The following LYG1 variants were observed in gnomAD, a reference collection of about 807,000 sequenced individuals.
The protein encoded by LYG1 is lysozyme g-like protein 1.
A neutral mutation model predicts 21.7 loss-of-function variants in LYG1; 17 were observed. That is an observed-to-expected ratio of 0.78 (90% confidence interval 0.54 to 1.18). The LOEUF is 1.18. LYG1 is among the 50% of genes most tolerant of loss of function. The pLI, the probability that LYG1 is intolerant of heterozygous loss-of-function variation, is 0.00. For synonymous variants in LYG1, 81 were observed against 87.4 expected, an observed-to-expected ratio of 0.93 and a Z score of 0.41; for missense variants, 211 against 238.1, an observed-to-expected ratio of 0.89 and a Z score of 0.75.
At position 99,301,142 on chromosome 2, in the gene LYG1, T is replaced by C. The variant is rs2094152611; in HGVS notation, c.-216A>G. 1 of 151,360 alleles carries C rather than the reference T, an allele frequency of 6.6e-6. No individual in the cohort carries two copies. Among genetic ancestry groups the C allele is most frequent in the South Asian group, 2.1e-4 (1 of 4,776 alleles). 9.4% of individuals were successfully genotyped at this position (151,360 alleles called of 1,614,324 possible). On this transcript the variant is annotated 5_prime_UTR_variant, in exon 1 of 7. The change creates a new upstream start codon in the 5' untranslated region. Transcript: ENST00000308528. ...CTTGTTAAAAGTGTTCATCTCATCC[T>C]ATTTTGGAGAGATTTATGACATCTC...
intron 4 of LYG1, 36 bp downstream of exon 4, chr2:99,292,500 G>A (rs375567862): frequency 2.4e-4 from 356 of 1,473,398 alleles, no homozygotes; most frequent in Non-Finnish European, 3.2e-4. Flanking sequence ...AGTGAAAGCC[G>A]GGGGATAGGT....
chr2:99,295,673 T>C lies in LYG1; in HGVS notation c.-3A>G, dbSNP rs376754013. On this transcript the variant is annotated 5_prime_UTR_variant, in exon 3 of 7. Transcript: ENST00000308528. Reference sequence around the variant, plus strand: ...AGCAGCAGCCACAATGCAGACATGATGACGATCTGGCTCTACGGCTCCTGA... The same window carrying C: ...AGCAGCAGCCACAATGCAGACATGACGACGATCTGGCTCTACGGCTCCTGA... 27 of 1,614,014 alleles carry C rather than the reference T, an allele frequency of 1.7e-5. No individual in the cohort carries two copies. The highest frequency in any genetic ancestry group is 4.0e-5 in the African/African-American group (3 of 74,894).
chr2:99,295,628 C>A lies in LYG1; in HGVS notation c.43G>T (p.Asp15Tyr). ...WLLLGLLALM[D>Y]LSESSNWGCY... ...ATTTGTAAAAATCAGCCACACTCAC[C>A]CATCAGGGCAAGGAGGCCCAGCAGC... The change falls in exon 3 of 7, where the codon GAC becomes TAC. Residue 15 changes from aspartate (D) to tyrosine (Y), a missense_variant and splice_region_variant. Asp to Tyr is a radical substitution (Grantham distance 160). Transcript: ENST00000308528. The A allele has an allele frequency of 6.2e-7, 1 of 1,614,096 alleles. No individual in the cohort carries two copies.
intron 3 of LYG1, 125 bp from the exon 4 acceptor site, chr2:99,292,765 A>G (rs992630941): frequency 1.7e-5 from 11 of 647,748 alleles, no homozygotes; most frequent in African/African-American, 5.5e-5. Context: ...TCACTCTGCA[A>G]TTGAAACTCT....
chr2:99,299,475 G>C (rs905853070), intron 1 of LYG1, among the ~76,000 whole-genome samples: 2 of 150,660 alleles, frequency 1.3e-5, no homozygotes, highest in African/African-American at 2.4e-5. Context: ...CTAGGCTGGA[G>C]TGAAGTGCTG....
At chr2:99,302,745 A>G (rs772449561), upstream of LYG1, among the ~76,000 whole-genome samples, 1 of 152,162 alleles carries the variant, frequency 6.6e-6, no homozygotes, top group Non-Finnish European at 1.5e-5. Context: ...TCAGCCGGGC[A>G]CAGAGCCTCA....
intron 5 of LYG1, among the ~76,000 whole-genome samples, chr2:99,288,605 C>G (rs1299160099): frequency 2.0e-5 from 3 of 152,120 alleles, no homozygotes; most frequent in Admixed American, 1.3e-4. Context: ...GTCCCACTCT[C>G]TCGCCCAGAC....
upstream of LYG1, among the ~76,000 whole-genome samples, chr2:99,304,403 G>A (rs1574895159): frequency 6.6e-6 from 1 of 152,188 alleles, no homozygotes. Flanking sequence ...CAGACAAGTG[G>A]AACTGTGAAT....
At chr2:99,302,835 T>C (rs1006230042), upstream of LYG1, among the ~76,000 whole-genome samples, 16 of 151,924 alleles carry the variant, frequency 1.1e-4, no homozygotes, top group Admixed American at 4.6e-4. Flanking sequence ...CTGGCCAACA[T>C]GGCGAAACCC....
chr2:99,301,720 A>C (rs966536732), upstream of LYG1, among the ~76,000 whole-genome samples: 8 of 149,292 alleles, frequency 5.4e-5, no homozygotes, highest in Non-Finnish European at 1.0e-4. Flanking sequence ...TGTGTTCCAA[A>C]AAAAAAACTT....
upstream of LYG1, among the ~76,000 whole-genome samples, chr2:99,301,350 A>G (rs1228579455): frequency 1.3e-5 from 2 of 150,716 alleles, no homozygotes; most frequent in South Asian, 4.2e-4. Context: ...CTTTATTCAC[A>G]TCATTTTCTG....
At chr2:99,285,854 A>C (rs575650848) in intron 5 of LYG1, among the ~76,000 whole-genome samples, 1 of 152,358 alleles carries the variant, frequency 6.6e-6, no homozygotes, top group Non-Finnish European at 1.5e-5. Context: ...CAGTAAAGCC[A>C]TTTATACCTG....
At chr2:99,301,905 A>G (rs1167323219), upstream of LYG1, among the ~76,000 whole-genome samples, 24 of 151,898 alleles carry the variant, frequency 1.6e-4, no homozygotes, top group South Asian at 6.2e-4. Flanking sequence ...TGTCTACATC[A>G]ATAAGTACTT....
intron 2 of LYG1, among the ~76,000 whole-genome samples, chr2:99,296,794 C>A (rs2094137946): frequency 6.6e-6 from 1 of 152,160 alleles, no homozygotes; most frequent in Non-Finnish European, 1.5e-5. Context: ...TTGAGGTTAA[C>A]CTTATGGGTT....
At chr2:99,293,542 C>G (rs1377939196) in intron 3 of LYG1, among the ~76,000 whole-genome samples, 1 of 152,192 alleles carries the variant, frequency 6.6e-6, no homozygotes, top group Non-Finnish European at 1.5e-5. Context: ...AGGCATGGGA[C>G]CAGTCTCCAC....
chr2:99,303,012 A>G (rs2094158956), upstream of LYG1, among the ~76,000 whole-genome samples: 1 of 128,138 alleles, frequency 7.8e-6, no homozygotes, highest in Non-Finnish European at 1.7e-5. Context: ...GCAAGCCTCC[A>G]TCTGAAAAAA....
At chr2:99,293,823 A>C (rs1013718069) in intron 3 of LYG1, among the ~76,000 whole-genome samples, 5 of 152,200 alleles carry the variant, frequency 3.3e-5, no homozygotes, top group African/African-American at 9.7e-5. Flanking sequence ...AGTCAGTACT[A>C]AGATACCTAC....
chr2:99,288,807 T>G (rs1331698028), intron 5 of LYG1, among the ~76,000 whole-genome samples: 1 of 152,122 alleles, frequency 6.6e-6, no homozygotes, highest in African/African-American at 2.4e-5. Flanking sequence ...TGACCTCAAA[T>G]GATCCATCCG....
At chr2:99,289,799 T>C (rs2094113070) in intron 5 of LYG1, among the ~76,000 whole-genome samples, 1 of 152,204 alleles carries the variant, frequency 6.6e-6, no homozygotes, top group South Asian at 2.1e-4. Flanking sequence ...GTAGGTTTCA[T>C]CATATTTGGG....
Sources: allele counts gnomAD v4.1 joint callset (sites outside exome capture counted in the v4.1 genomes callset), GRCh38; gene constraint gnomAD v4.1.1; transcripts MANE v1.5; gene names NCBI Gene and HGNC (gene_info 2026-07-23, HGNC 2026-07-21).